Variants in EIPR1 observed in about 807,000 individuals in gnomAD.
EIPR1 encodes EARP and GARP complex-interacting protein 1.
EIPR1 carries 25 observed loss-of-function variants against 48.1 expected under a neutral mutation model. The ratio of observed to expected loss-of-function variants is 0.52; its 90% confidence interval spans 0.38 to 0.73. The LOEUF is 0.73. Among genes scored for constraint, EIPR1 ranks in the 30% least tolerant of loss-of-function variants. The pLI is 0.00. For missense variants in EIPR1, 415 were observed against 506.2 expected, an observed-to-expected ratio of 0.82 and a Z score of 1.73; for synonymous variants, 204 against 201.9, an observed-to-expected ratio of 1.01 and a Z score of -0.09.
At chr2:3,205,320 A>G (rs924754404) in intron 5 of EIPR1, among the ~76,000 whole-genome samples, 5 of 152,242 alleles carry the variant, frequency 3.3e-5, no homozygotes, top group African/African-American at 9.6e-5. Flanking sequence ...ACAACTGGAC[A>G]GAGGCACCTC....
intron 4 of EIPR1, among the ~76,000 whole-genome samples, chr2:3,218,966 C>T (rs1665757284): frequency 6.6e-6 from 1 of 150,750 alleles, no homozygotes; most frequent in Admixed American, 6.6e-5. Context: ...CCAGCAGGGC[C>T]CTGGTATACT....
intron 3 of EIPR1, among the ~76,000 whole-genome samples, chr2:3,277,466 G>C (rs1405662512): frequency 6.6e-6 from 1 of 152,242 alleles, no homozygotes; most frequent in Non-Finnish European, 1.5e-5. Flanking sequence ...AACCTTACCA[G>C]GTGATGGGTG....
intron 5 of EIPR1, chr2:3,208,996 C>G (rs945888866): frequency 2.1e-6 from 3 of 1,456,594 alleles, no homozygotes; most frequent in East Asian, 5.0e-5. Context: ...TTATCAAGGT[C>G]GCCAGAAGCG....
At chr2:3,307,794 G>A (rs1181885299) in intron 3 of EIPR1, among the ~76,000 whole-genome samples, 2 of 152,202 alleles carry the variant, frequency 1.3e-5, no homozygotes, top group East Asian at 3.8e-4. Context: ...AGGAAAATTA[G>A]AGTTAACAAA....
At chr2:3,246,914 A>G (rs1666831136) in intron 4 of EIPR1, among the ~76,000 whole-genome samples, 1 of 83,596 alleles carries the variant, frequency 1.2e-5, no homozygotes, top group Non-Finnish European at 2.4e-5. Flanking sequence ...GGAGAGAGGG[A>G]GGGAGAGAGG....
intron 3 of EIPR1, among the ~76,000 whole-genome samples, chr2:3,336,776 A>C (rs1375878171): frequency 6.6e-6 from 1 of 151,630 alleles, no homozygotes; most frequent in Non-Finnish European, 1.5e-5. Context: ...AAGAAAAGAA[A>C]AGGAAAAGAA....
At chr2:3,235,864 C>T (rs910004120) in intron 4 of EIPR1, among the ~76,000 whole-genome samples, 17 of 152,186 alleles carry the variant, frequency 1.1e-4, no homozygotes, top group African/African-American at 1.2e-4. Flanking sequence ...CCCAAATTAG[C>T]ACCCATCACC....
chr2:3,300,477 C>A (rs1171239199), intron 3 of EIPR1, among the ~76,000 whole-genome samples: 1 of 152,188 alleles, frequency 6.6e-6, no homozygotes, highest in Middle Eastern at 3.2e-3. Context: ...CCCTAAAAAG[C>A]CTGGACTGGG....
At chr2:3,336,291 T>C (rs1218929204) in intron 3 of EIPR1, among the ~76,000 whole-genome samples, 1 of 152,198 alleles carries the variant, frequency 6.6e-6, no homozygotes, top group African/African-American at 2.4e-5. Flanking sequence ...AGAAATGTGT[T>C]TCTGCTGAGA....
chr2:3,215,273 G>A (rs1293744021), intron 4 of EIPR1, among the ~76,000 whole-genome samples: 2 of 152,166 alleles, frequency 1.3e-5, no homozygotes, highest in African/African-American at 4.8e-5. Context: ...ATTTGCACAG[G>A]ATGCCCACAT....
intron 3 of EIPR1, among the ~76,000 whole-genome samples, chr2:3,328,968 T>C (rs2103336792): frequency 4.2e-5 from 3 of 72,132 alleles, no homozygotes; most frequent in Non-Finnish European, 7.4e-5. Flanking sequence ...CCAGCCAGGC[T>C]CCCCTGAATC....
At chr2:3,309,017 T>A (rs1408732761) in intron 3 of EIPR1, among the ~76,000 whole-genome samples, 1 of 152,070 alleles carries the variant, frequency 6.6e-6, no homozygotes, top group East Asian at 1.9e-4. Flanking sequence ...AAAGAAATTA[T>A]AATGAAAAAA....
intron 1 of EIPR1, among the ~76,000 whole-genome samples, chr2:3,368,967 C>G (rs553783173): frequency 6.6e-4 from 100 of 152,208 alleles, no homozygotes; most frequent in African/African-American, 2.0e-3. Context: ...CAGCGGTCAA[C>G]GATCAGATCT....
At chr2:3,281,601 G>A (rs1484544446) in intron 3 of EIPR1, among the ~76,000 whole-genome samples, 4 of 152,122 alleles carry the variant, frequency 2.6e-5, no homozygotes, top group African/African-American at 9.7e-5. Flanking sequence ...CAACACCCAC[G>A]TATACAGGAA....
intron 3 of EIPR1, among the ~76,000 whole-genome samples, chr2:3,308,398 C>T (rs1217362101): frequency 6.6e-6 from 1 of 151,988 alleles, no homozygotes; most frequent in Non-Finnish European, 1.5e-5. Flanking sequence ...TAAAAAAGAA[C>T]CAAATGGATG....
chr2:3,240,779 G>C (rs1391181012), intron 4 of EIPR1, among the ~76,000 whole-genome samples: 1 of 150,354 alleles, frequency 6.7e-6, no homozygotes, highest in African/African-American at 2.5e-5. Flanking sequence ...AGCAAAGCCA[G>C]CAGATCCCTC....
chr2:3,297,089 A>C lies in EIPR1; in HGVS notation c.260-39634T>G, dbSNP rs138585371. ...TTTTGTCCATGAGCTCCTGGGTGGC[A>C]GGGATTAGGTGGGCTTAATTGTGTC... On this transcript the variant is annotated intron_variant, in intron 3 of 8. Coordinates refer to ENST00000382125, the MANE Select transcript of EIPR1 (RefSeq NM_003310.5). Among the ~76,000 whole-genome samples, 509 of 152,304 alleles carry C rather than the reference A, an allele frequency of 3.3e-3. 1 individual carries two copies. The highest frequency in any genetic ancestry group is 0.011 in the African/African-American group (466 of 41,564).
intron 3 of EIPR1, among the ~76,000 whole-genome samples, chr2:3,310,593 C>G (rs1669099527): frequency 7.2e-6 from 1 of 138,842 alleles, no homozygotes; most frequent in Non-Finnish European, 1.5e-5. Flanking sequence ...GCGGAGCTTG[C>G]AGTGAGCCGA....
intron 5 of EIPR1, among the ~76,000 whole-genome samples, chr2:3,199,446 C>T (rs1340614517): frequency 6.6e-6 from 1 of 152,212 alleles, no homozygotes; most frequent in Non-Finnish European, 1.5e-5. Flanking sequence ...GATAAATGTC[C>T]ATGAAATCTT....
Sources: gnomAD v4.1 joint callset for allele counts (sites outside exome capture counted in the v4.1 genomes callset) on GRCh38, gnomAD v4.1.1 for gene constraint, MANE v1.5 for transcripts, NCBI Gene and HGNC (gene_info 2026-07-23, HGNC 2026-07-21) for gene names.